The following ESRRG variants were observed in gnomAD, a reference collection of about 807,000 sequenced individuals.
ESRRG encodes the protein estrogen related receptor gamma, also known as estrogen-related receptor gamma.
In ESRRG, 13 loss-of-function variants were observed where a neutral mutation model predicts 44.0. That is an observed-to-expected ratio of 0.30 (90% CI 0.19 to 0.47). ESRRG has a LOEUF of 0.47. ESRRG is among the 20% of genes least tolerant of loss of function. ESRRG has a pLI of 1.00. For synonymous variants in ESRRG, 215 were observed against 214.6 expected (o/e 1.00, Z -0.02); for missense variants, 395 against 580.6 (o/e 0.68, Z 3.29).
At chr1:216,780,733 G>C (rs1307059387) in intron 2 of ESRRG, among the ~76,000 whole-genome samples, 2 of 152,036 alleles carry the variant, frequency 1.3e-5, no homozygotes, top group African/African-American at 4.8e-5. Context: ...CCAGGGAGGA[G>C]AAGGGATTTT....
At chr1:216,639,702 A>T (rs1420911498) in intron 3 of ESRRG, among the ~76,000 whole-genome samples, 1 of 152,220 alleles carries the variant, frequency 6.6e-6, no homozygotes, top group East Asian at 1.9e-4. Context: ...TGTAGAAAAG[A>T]TTTAATAGAT....
At chr1:216,546,248 T>C (rs1054518007) in intron 5 of ESRRG, among the ~76,000 whole-genome samples, 1 of 152,104 alleles carries the variant, frequency 6.6e-6, no homozygotes, top group Non-Finnish European at 1.5e-5. Flanking sequence ...AATTGCCCCA[T>C]GTGTCAACTA....
At chr1:216,693,129 T>A (rs1267143357) in intron 1 of ESRRG, among the ~76,000 whole-genome samples, 1 of 152,222 alleles carries the variant, frequency 6.6e-6, no homozygotes, top group Non-Finnish European at 1.5e-5. Flanking sequence ...CTTCTATTCA[T>A]CAGTAAAAGT....
intron 2 of ESRRG, among the ~76,000 whole-genome samples, chr1:216,887,022 G>T (rs1234647251): frequency 6.6e-6 from 1 of 152,132 alleles, no homozygotes; most frequent in Non-Finnish European, 1.5e-5. Flanking sequence ...ACTGGTGTGA[G>T]CCACGTCGCC....
chr1:216,707,375 C>T, intron 1 of ESRRG: 1 of 1,535,926 alleles, frequency 6.5e-7, no homozygotes, highest in Non-Finnish European at 8.7e-7. Context: ...GCTGAAGGAA[C>T]ACAGGCCAGA....
intron 3 of ESRRG, among the ~76,000 whole-genome samples, chr1:216,622,076 T>C (rs1230607672): frequency 6.6e-6 from 1 of 152,178 alleles, no homozygotes; most frequent in Non-Finnish European, 1.5e-5. Flanking sequence ...AGCAACACCT[T>C]CCATCAGCTG....
In ESRRG at chr1:216,851,695, C is replaced by A. The variant is rs188358531; in HGVS notation, c.-14+87887G>T. ...TTCTGTTGTTTATAAGCCACACAGTCTATGGTGCTTCATTACAGCAGGCCG... is the reference window on the plus strand; with the variant it reads ...TTCTGTTGTTTATAAGCCACACAGTATATGGTGCTTCATTACAGCAGGCCG... On this transcript the variant is annotated intron_variant, in intron 2 of 7. Transcript: ENST00000359162. 1.8e-4 allele frequency among the ~76,000 whole-genome samples: 27 copies of A among 152,280 alleles called. 1 individual carries two copies. The East Asian group carries it at 5.2e-3, about 29-fold the overall frequency.
At chr1:216,935,181 G>T (rs1431040244) in intron 2 of ESRRG, among the ~76,000 whole-genome samples, 4 of 152,046 alleles carry the variant, frequency 2.6e-5, no homozygotes, top group Non-Finnish European at 1.5e-5. Flanking sequence ...CACCAACTGG[G>T]TGTCCTACGA....
intron 2 of ESRRG, among the ~76,000 whole-genome samples, chr1:216,779,239 A>ATATATT (rs1559603560): frequency 1.5e-5 from 1 of 67,740 alleles, no homozygotes; most frequent in Non-Finnish European, 2.2e-5. Flanking sequence ...AAATATAAAT[A>ATATATT]TATATTTATA....
At chr1:216,811,936 C>T (rs1255482671) in intron 2 of ESRRG, among the ~76,000 whole-genome samples, 1 of 152,110 alleles carries the variant, frequency 6.6e-6, no homozygotes, top group Admixed American at 6.6e-5. Flanking sequence ...TAGTTTTTGT[C>T]ATAGTACTGA....
intron 1 of ESRRG, among the ~76,000 whole-genome samples, chr1:217,005,678 T>C (rs1560444817): frequency 6.6e-6 from 1 of 151,994 alleles, no homozygotes; most frequent in Non-Finnish European, 1.5e-5. Context: ...CTAACAATGT[T>C]GTATAATAAC....
Position 216,616,357 on chromosome 1 carries a change from C to T in ESRRG, c.589+34616G>A, listed in dbSNP as rs182570598. ...ATGGGCGCAGTGACATAGAAAAACG[C>T]AGCTTTAGCTAATGTCCTCTTCACA... On this transcript the variant is annotated intron_variant, in intron 3 of 6. Transcript: ENST00000408911. Among the ~76,000 whole-genome samples the T allele has an allele frequency of 4.2e-3, 633 of 152,310 alleles. 8 individuals are homozygous for T. Among genetic ancestry groups the T allele is most frequent in the African/African-American group, 0.014 (588 of 41,566 alleles).
chr1:216,823,554 A>C (rs11572585), intron 2 of ESRRG, among the ~76,000 whole-genome samples: 3 of 152,170 alleles, frequency 2.0e-5, no homozygotes, highest in African/African-American at 7.2e-5. Flanking sequence ...TTTGGCACTA[A>C]AAGGAAAAAC....
At chr1:216,943,056 A>C in intron 1 of ESRRG, among the ~76,000 whole-genome samples, 1 of 22,350 alleles carries the variant, frequency 4.5e-5, no homozygotes, top group South Asian at 1.5e-3. Flanking sequence ...ACTTATTACA[A>C]AAAAAAATAC....
At chr1:216,880,538 T>C (rs1008184491) in intron 2 of ESRRG, among the ~76,000 whole-genome samples, 2 of 152,214 alleles carry the variant, frequency 1.3e-5, no homozygotes, top group Middle Eastern at 3.4e-3. Context: ...TATTAGCTTA[T>C]ATCCAAATGT....
chr1:216,537,588 T>C (rs1419532099), intron 5 of ESRRG, among the ~76,000 whole-genome samples: 1 of 152,024 alleles, frequency 6.6e-6, no homozygotes, highest in African/African-American at 2.4e-5. Flanking sequence ...ACAAAGGCTT[T>C]GCAACTTTGT....
chr1:217,110,771 T>G (rs12076460), intron 1 of ESRRG, among the ~76,000 whole-genome samples: 24,529 of 152,088 alleles, frequency 0.16, 2,223 homozygotes, highest in Middle Eastern at 0.24. Flanking sequence ...CAGCACTGGG[T>G]ATTACATTTC....
intron 1 of ESRRG, among the ~76,000 whole-genome samples, chr1:217,137,276 T>C (rs2093062704): frequency 1.3e-5 from 2 of 152,198 alleles, no homozygotes; most frequent in South Asian, 4.1e-4. Flanking sequence ...GCCCACCAGT[T>C]ACCTCCTCCT....
intron 1 of ESRRG, among the ~76,000 whole-genome samples, chr1:216,709,362 T>TATATATATATATATATATATA: frequency 6.7e-6 from 1 of 150,150 alleles, no homozygotes; most frequent in African/African-American, 2.4e-5. Flanking sequence ...TATATATATA[T>TATATATATATATATATATATA]TCAATTTCTC....
Sources: allele counts gnomAD v4.1 joint callset (sites outside exome capture counted in the v4.1 genomes callset), GRCh38; gene constraint gnomAD v4.1.1; transcripts MANE v1.5; gene names NCBI Gene and HGNC (gene_info 2026-07-23, HGNC 2026-07-21).